The following PRAG1 variants were observed in gnomAD, a reference collection of about 807,000 sequenced individuals.
PRAG1 encodes the protein inactive tyrosine-protein kinase PRAG1.
A neutral mutation model predicts 95.6 loss-of-function variants in PRAG1; 110 were observed. The ratio of observed to expected loss-of-function variants is 1.15; its 90% confidence interval spans 0.99 to 1.35. The LOEUF (loss-of-function observed/expected upper bound fraction) is 1.35, where lower values mean the gene tolerates loss of function less well. PRAG1 is among the 40% of genes most tolerant of loss of function. The probability of loss-of-function intolerance (pLI) is 0.00; values close to 1 mark genes in which losing one functional copy is unlikely to be tolerated. For synonymous variants in PRAG1, 1,052 were observed against 819.4 expected, an observed-to-expected ratio of 1.28 and a Z score of -4.85; for missense variants, 2,554 against 1,864.7, an observed-to-expected ratio of 1.37 and a Z score of -6.81.
Position 8,376,567 on chromosome 8 carries a change from C to A in PRAG1, c.1842G>T (p.Gln614His), listed in dbSNP as rs766216602. Residue 614 changes from glutamine (Q) to histidine (H), a missense_variant, in exon 3 of 6, where the codon CAG (glutamine) becomes CAT (histidine). Coordinates refer to ENST00000615670, the MANE Select transcript of PRAG1 (RefSeq NM_001080826.3). ...GTTCCGAGGCTGACGAGGCGGCAGGCTGGGGACACCTGGATGGGTCACTGA... is the reference window on the plus strand; with the variant it reads ...GTTCCGAGGCTGACGAGGCGGCAGGATGGGGACACCTGGATGGGTCACTGA... ...VAISDPSRCP[Q>H]PAASSASEQR... 1 of 1,607,212 alleles carries A rather than the reference C, an allele frequency of 6.2e-7. No homozygotes were observed.
At chr8:8,354,780 A>C (rs2116875763) in intron 3 of PRAG1, among the ~76,000 whole-genome samples, 1 of 152,278 alleles carries the variant, frequency 6.6e-6, no homozygotes, top group East Asian at 1.9e-4. Context: ...TCCTCAACAT[A>C]ATAAAGGCCA....
rs750061044 is a variant in PRAG1 at position 8,376,489 on chromosome 8, C to T, written c.1920G>A (p.Glu640=). The T allele has an allele frequency of 6.2e-7, 1 of 1,613,406 alleles. No homozygotes were observed. The highest frequency in any genetic ancestry group is 8.5e-7 in the Non-Finnish European group (1 of 1,179,608). The stretch of plus-strand genomic sequence containing the variant: ...ATTCCTGCTCCACCTCCTCTTCTTC[C>T]TCTATCCGGCACTGACGACTCCAGG... The part of the protein sequence containing the change: ...AGTWSRQCRI[E]EEEEVEQELL... Residue 640 remains glutamate, a synonymous_variant, in exon 3 of 6, where the codon GAG becomes GAA. Transcript: ENST00000615670.
chr8:8,354,911 G>A (rs949296538), intron 3 of PRAG1, among the ~76,000 whole-genome samples: 2 of 152,014 alleles, frequency 1.3e-5, no homozygotes, highest in East Asian at 3.8e-4. Flanking sequence ...CATTGTACTG[G>A]AGGTACTAGC....
chr8:8,343,630 CT>C (rs1799242453), intron 3 of PRAG1, among the ~76,000 whole-genome samples: 1 of 152,134 alleles, frequency 6.6e-6, no homozygotes, highest in Admixed American at 6.5e-5. Context: ...TTAAAAATTA[CT>C]GCTCTAGAAT....
chr8:8,359,991 C>G (rs1327864230), intron 3 of PRAG1, among the ~76,000 whole-genome samples: 1 of 152,146 alleles, frequency 6.6e-6, no homozygotes, highest in Non-Finnish European at 1.5e-5. Context: ...ACCCTGGAAA[C>G]TGTCAATTCC....
chr8:8,343,669 G>T (rs958260970), intron 3 of PRAG1, among the ~76,000 whole-genome samples: 14 of 152,142 alleles, frequency 9.2e-5, no homozygotes, highest in African/African-American at 1.9e-4. Context: ...TCCTTAAAGG[G>T]CCAGATGGTA....
chr8:8,327,684 G>A, intron 5 of PRAG1, 26 bp downstream of exon 5: 1 of 1,587,088 alleles, frequency 6.3e-7, no homozygotes, highest in Non-Finnish European at 8.6e-7. Flanking sequence ...TGGCACAGCA[G>A]AATGCAAGGA....
chr8:8,318,492 G>C lies in PRAG1; in HGVS notation c.3883C>G (p.Leu1295Val). The C allele has an allele frequency of 1.2e-6, 2 of 1,612,310 alleles. No homozygotes were observed. The highest frequency in any genetic ancestry group is 1.7e-6 in the Non-Finnish European group (2 of 1,179,758). Residue 1295 changes from leucine (L) to valine (V), a missense_variant, in exon 6 of 6, where the codon CTC becomes GTC. Physicochemically the swap from Leu to Val is conservative, Grantham distance 32. Coordinates refer to ENST00000615670, the MANE Select transcript of PRAG1 (RefSeq NM_001080826.3). The surrounding 1 kb of genome is among the most constrained non-coding windows in gnomAD (Gnocchi z 4.2). ...AGCTGCTGCAGGCCGGGTGAGTAGAGGGACAGCGCGGGCAGCGGCGGCAGG... is the reference window on the plus strand; with the variant it reads ...AGCTGCTGCAGGCCGGGTGAGTAGACGGACAGCGCGGGCAGCGGCGGCAGG... ...EDLPPLPALS[L>V]YSPGLQQLAH...
chr8:8,355,758 C>T (rs1478827256), intron 3 of PRAG1, among the ~76,000 whole-genome samples: 2 of 149,640 alleles, frequency 1.3e-5, no homozygotes, highest in East Asian at 1.9e-4. Context: ...TATCTTATAT[C>T]ATACACAAAC....
intron 4 of PRAG1, among the ~76,000 whole-genome samples, chr8:8,338,320 G>A (rs563953138): frequency 3.0e-4 from 45 of 152,278 alleles, no homozygotes; most frequent in South Asian, 1.9e-3. Context: ...AGTCCAGTTC[G>A]CCTGACACCC....
At position 8,339,513 on chromosome 8, in the gene PRAG1, C is replaced by G. The variant is rs754401952; in HGVS notation, c.2285G>C (p.Ser762Thr). ...GCAGGTCCTAGAGTCTGAGGCCAGG[C>G]TGTCCGTGGAGCCGGTGGTGAAGCT... The part of the protein sequence containing the change: ...HVSFTTGSTD[S>T]LASDSRTCSD... The change falls in exon 4 of 6, where the codon AGC becomes ACC. Residue 762 changes from serine (S) to threonine (T), a missense_variant. Physicochemically the swap from Ser to Thr is moderately conservative, Grantham distance 58. Coordinates refer to ENST00000615670, the MANE Select transcript of PRAG1 (RefSeq NM_001080826.3). 16 of 1,614,056 alleles carry G rather than the reference C, an allele frequency of 9.9e-6. No individual in the cohort carries two copies. Among genetic ancestry groups the G allele is most frequent in the Non-Finnish European group, 1.4e-5 (16 of 1,180,044 alleles).
intron 3 of PRAG1, among the ~76,000 whole-genome samples, chr8:8,343,493 CA>C (rs143579514): frequency 0.023 from 3,542 of 152,228 alleles, 112 homozygotes; most frequent in African/African-American, 0.076. Flanking sequence ...CAGAACAGAA[CA>C]GAAAATATGA....
intron 2 of PRAG1, among the ~76,000 whole-genome samples, 154 bp downstream of exon 2, chr8:8,381,264 C>G (rs901940806): frequency 6.6e-6 from 1 of 152,208 alleles, no homozygotes; most frequent in Non-Finnish European, 1.5e-5. Context: ...GCAGCTACAG[C>G]GAATCCCAGG....
rs775779372 is a variant in PRAG1 at position 8,354,142 on chromosome 8, C to T, written c.2163-14507G>A. On this transcript the variant is annotated intron_variant, in intron 3 of 5. Coordinates refer to ENST00000615670, the MANE Select transcript of PRAG1 (RefSeq NM_001080826.3). ...CAGAAATAAAAATGATCATAAGGGA[C>T]TATTATGAACAATTATATGCCAACA... 8.2e-4 allele frequency among the ~76,000 whole-genome samples: 125 copies of T among 151,956 alleles called. 1 individual carries two copies. The highest frequency in any genetic ancestry group is 2.6e-4 in the Non-Finnish European group (18 of 67,990).
intron 5 of PRAG1, among the ~76,000 whole-genome samples, chr8:8,327,444 C>G (rs1798667415): frequency 6.6e-6 from 1 of 152,160 alleles, no homozygotes; most frequent in African/African-American, 2.4e-5. Context: ...GTGGTGCACA[C>G]AGATAATCCC....
chr8:8,362,450 C>G (rs919698484), intron 3 of PRAG1, among the ~76,000 whole-genome samples: 2 of 152,200 alleles, frequency 1.3e-5, no homozygotes, highest in Non-Finnish European at 2.9e-5. Flanking sequence ...GCCTGTCCAT[C>G]CTTTCCCGTG....
chr8:8,342,882 T>G (rs912570292), intron 3 of PRAG1, among the ~76,000 whole-genome samples: 4 of 152,050 alleles, frequency 2.6e-5, no homozygotes, highest in African/African-American at 9.6e-5. Flanking sequence ...AAAATAGCAA[T>G]ATAAAGAAAA....
In PRAG1 at chr8:8,318,278, A is replaced by C; in HGVS notation, c.4097T>G (p.Phe1366Cys). The C allele has an allele frequency of 6.2e-7, 1 of 1,614,172 alleles. No individual in the cohort carries two copies. The highest frequency in any genetic ancestry group is 1.1e-5 in the South Asian group (1 of 91,086). Residue 1366 changes from phenylalanine (F) to cysteine (C), a missense_variant, in exon 6 of 6, where the codon TTT becomes TGT. Coordinates refer to ENST00000615670, the MANE Select transcript of PRAG1 (RefSeq NM_001080826.3). The surrounding 1 kb of genome is among the most constrained non-coding windows in gnomAD (Gnocchi z 4.2). Reference sequence around the variant, plus strand: ...CCTGCGATCCACCGCCTTCTCCGCAAACTTCATCATCATCAGGGCCCGCTT... The same window carrying C: ...CCTGCGATCCACCGCCTTCTCCGCACACTTCATCATCATCAGGGCCCGCTT... ...DMKRALMMMKFAEKAVDRRRG... is the reference protein window; with the variant it reads ...DMKRALMMMKCAEKAVDRRRG...
At chr8:8,330,225 G>A (rs1051298604) in intron 4 of PRAG1, among the ~76,000 whole-genome samples, 2 of 152,176 alleles carry the variant, frequency 1.3e-5, no homozygotes, top group South Asian at 2.1e-4. Context: ...AATTAGCTGG[G>A]CGTGGTGGTG....
Sources: gnomAD v4.1 joint callset for allele counts (sites outside exome capture counted in the v4.1 genomes callset) on GRCh38, gnomAD v4.1.1 for gene constraint, Gnocchi (gnomAD v3.1) non-coding constraint, MANE v1.5 for transcripts, NCBI Gene and HGNC (gene_info 2026-07-23, HGNC 2026-07-21) for gene names.